MAST2: variants seen among roughly 807,000 people sequenced by gnomAD.
MAST2 encodes the protein microtubule associated serine/threonine kinase 2.
In MAST2, 70 loss-of-function variants were observed where a neutral mutation model predicts 147.4. That is an observed-to-expected ratio of 0.47 (90% CI 0.39 to 0.58). MAST2 has a LOEUF of 0.58. Among genes scored for constraint, MAST2 ranks in the 20% least tolerant of loss-of-function variants. The pLI is 0.00. For missense variants in MAST2, 2,080 were observed against 2,302.3 expected, an observed-to-expected ratio of 0.90 and a Z score of 1.98; for synonymous variants, 869 against 896.8, an observed-to-expected ratio of 0.97 and a Z score of 0.55.
At chr1:45,883,301 G>A (rs1056246361) in intron 4 of MAST2, among the ~76,000 whole-genome samples, 3 of 152,076 alleles carry the variant, frequency 2.0e-5, no homozygotes, top group African/African-American at 7.2e-5. Flanking sequence ...AATGAAACAT[G>A]TAGTAATTCT....
intron 3 of MAST2, among the ~76,000 whole-genome samples, chr1:45,878,533 T>C (rs184138810): frequency 3.3e-5 from 5 of 152,264 alleles, no homozygotes; most frequent in Admixed American, 6.5e-5. Flanking sequence ...TAACATCTTA[T>C]AGAAAATTCT....
At chr1:45,999,419 G>A (rs1202560215) in intron 6 of MAST2, among the ~76,000 whole-genome samples, 1 of 152,158 alleles carries the variant, frequency 6.6e-6, no homozygotes, top group Non-Finnish European at 1.5e-5. Context: ...TATATAAACT[G>A]TACTCTCAGA....
intron 5 of MAST2, among the ~76,000 whole-genome samples, chr1:45,981,811 T>G: frequency 6.6e-6 from 1 of 152,110 alleles, no homozygotes; most frequent in African/African-American, 2.4e-5. Flanking sequence ...TTGATTTTAT[T>G]CTGTCAACAA....
intron 4 of MAST2, among the ~76,000 whole-genome samples, chr1:45,945,727 C>G (rs1308867735): frequency 2.0e-5 from 3 of 152,184 alleles, no homozygotes; most frequent in Admixed American, 1.3e-4. Flanking sequence ...AATTACAGGA[C>G]ATTTTGCATT....
intron 3 of MAST2, among the ~76,000 whole-genome samples, chr1:45,863,334 C>G (rs1646040257): frequency 6.6e-6 from 1 of 152,060 alleles, no homozygotes; most frequent in Non-Finnish European, 1.5e-5. Flanking sequence ...TACAGCATAC[C>G]CTATGCAAAT....
At chr1:45,941,379 C>T (rs1277245880) in intron 4 of MAST2, among the ~76,000 whole-genome samples, 6 of 152,176 alleles carry the variant, frequency 3.9e-5, no homozygotes, top group Non-Finnish European at 8.8e-5. Context: ...CCTTCCTCAG[C>T]CTCCCGAGTA....
intron 4 of MAST2, among the ~76,000 whole-genome samples, chr1:45,937,466 G>T (rs1023724771): frequency 6.6e-6 from 1 of 151,848 alleles, no homozygotes; most frequent in Non-Finnish European, 1.5e-5. Context: ...TATGCCCATT[G>T]TGGTTGGGTA....
intron 4 of MAST2, among the ~76,000 whole-genome samples, chr1:45,950,581 G>C (rs966279804): frequency 6.6e-6 from 1 of 152,124 alleles, no homozygotes. Flanking sequence ...CTAGAAGCTG[G>C]TTCTGGGCTG....
intron 26 of MAST2, among the ~76,000 whole-genome samples, 190 bp from the exon 27 acceptor site, chr1:46,033,612 C>T (rs776521054): frequency 3.9e-5 from 6 of 152,276 alleles, no homozygotes; most frequent in Middle Eastern, 3.4e-3. Context: ...CCCCAAACCA[C>T]TCTGGGGCTC....
intron 6 of MAST2, 56 bp downstream of exon 6, chr1:45,997,855 T>C (rs1453431115): frequency 6.5e-6 from 9 of 1,386,380 alleles, no homozygotes; most frequent in South Asian, 1.2e-5. Flanking sequence ...TGCATGAGGG[T>C]TAATTGAATG....
At chr1:45,911,528 G>A (rs1334816715) in intron 4 of MAST2, among the ~76,000 whole-genome samples, 1 of 152,088 alleles carries the variant, frequency 6.6e-6, no homozygotes, top group East Asian at 1.9e-4. Flanking sequence ...GTGATTTATA[G>A]CATTGGAAAC....
intron 3 of MAST2, among the ~76,000 whole-genome samples, chr1:45,843,638 C>T (rs575515833): frequency 9.9e-5 from 15 of 152,244 alleles, no homozygotes; most frequent in Admixed American, 2.6e-4. Context: ...GAAAAAATTA[C>T]ATGTGAAAGG....
chr1:45,886,991 C>T (rs751294536), intron 4 of MAST2, among the ~76,000 whole-genome samples: 6 of 152,130 alleles, frequency 3.9e-5, no homozygotes, highest in Admixed American at 6.5e-5. Context: ...CCACATCTGG[C>T]TAATTTTTGT....
At chr1:45,920,860 A>G (rs1369299832) in intron 4 of MAST2, among the ~76,000 whole-genome samples, 1 of 151,166 alleles carries the variant, frequency 6.6e-6, no homozygotes, top group Non-Finnish European at 1.5e-5. Flanking sequence ...TTTTTTTTCG[A>G]TGAGGTGGAT....
chr1:45,945,545 G>A (rs1364165335), intron 4 of MAST2, among the ~76,000 whole-genome samples: 1 of 152,162 alleles, frequency 6.6e-6, no homozygotes, highest in East Asian at 1.9e-4. Context: ...TTTGGGCACA[G>A]GCCAGACAGC....
At position 46,014,169 on chromosome 1, in the gene MAST2, TTTTC is replaced by T; in HGVS notation, c.1188+3234_1188+3237del. On this transcript the variant is annotated intron_variant, in intron 10 of 28. Transcript: ENST00000361297. ...AATACTATTTAATTTGATTATGTAT[TTTTC>T]TTTTTTTTATTATTATTATACTTTA... 3.3e-5 allele frequency among the ~76,000 whole-genome samples: 5 copies of T among 149,374 alleles called. No homozygotes were observed. The Admixed American group carries it at 3.4e-4, about 10-fold the overall frequency.
At chr1:45,948,813 A>C (rs1389093618) in intron 4 of MAST2, among the ~76,000 whole-genome samples, 1 of 151,930 alleles carries the variant, frequency 6.6e-6, no homozygotes, top group African/African-American at 2.4e-5. Context: ...AAACTATACT[A>C]CAGGGCTACA....
chr1:46,034,517 T>C (rs1352863490), intron 28 of MAST2, 21 bp from the exon 29 acceptor site: 1 of 1,603,388 alleles, frequency 6.2e-7, no homozygotes, highest in African/African-American at 1.3e-5. Flanking sequence ...TGTCTGTCTG[T>C]CTGTCTGTCT....
chr1:45,847,499 C>CT (rs977766666), intron 3 of MAST2: 3 of 783,046 alleles, frequency 3.8e-6, no homozygotes, highest in African/African-American at 3.5e-5. Flanking sequence ...TCAATTTTTC[C>CT]TTTTTTTCTT....
Sources: gnomAD v4.1 joint callset for allele counts (sites outside exome capture counted in the v4.1 genomes callset) on GRCh38, gnomAD v4.1.1 for gene constraint, MANE v1.5 for transcripts, NCBI Gene and HGNC (gene_info 2026-07-23, HGNC 2026-07-21) for gene names.